Variants in CD244 observed in about 807,000 individuals in gnomAD.
CD244 encodes natural killer cell receptor 2B4.
A neutral mutation model predicts 45.5 loss-of-function variants in CD244; 20 were observed. The ratio of observed to expected loss-of-function variants is 0.44; its 90% CI spans 0.31 to 0.64. The LOEUF (loss-of-function observed/expected upper bound fraction) is 0.64, where lower values mean the gene tolerates loss of function less well. Ranked by LOEUF, CD244 falls within the 30% of genes least tolerant of loss-of-function variation. CD244 has a pLI of 0.08. For missense variants in CD244, 407 were observed against 426.9 expected (o/e 0.95, Z 0.41); for synonymous variants, 185 against 160.5 (o/e 1.15, Z -1.15).
At chr1:160,846,254 C>T (rs1669733983) in intron 1 of CD244, among the ~76,000 whole-genome samples, 1 of 152,088 alleles carries the variant, frequency 6.6e-6, no homozygotes, top group Non-Finnish European at 1.5e-5. Context: ...ATTCTTATGC[C>T]TTTGCATCCT....
Position 160,831,117 on chromosome 1 carries a change from C to CGT in CD244, c.*229_*230insAC. ...ATGTGGCCTTTTGTGAACAACCTAA[C>CGT]CCCTCCACCCATTCATGTCTGATCT... On this transcript the variant is annotated 3_prime_UTR_variant, in exon 9 of 9. Transcript: ENST00000368034. The CGT allele has an allele frequency of 2.2e-6, 1 of 450,690 alleles. No individual in the cohort carries two copies. The highest frequency in any genetic ancestry group is 4.0e-6 in the Non-Finnish European group (1 of 250,810). The allele number at this position is 450,690 out of a possible 1,614,324, so 27.9% of individuals were successfully genotyped here. A position where few individuals can be genotyped will look rare whatever the true frequency, so the allele number is the denominator to read the frequency against.
In CD244 at chr1:160,855,045, C is replaced by CG. The variant is rs1355437914; in HGVS notation, c.61+7571_61+7572insC. ...TGGTCAAGGACAGGGCAAGAACACT[C>CG]TTGCCCTCAGCAGAGGCAAATGTGG... On this transcript the variant is annotated intron_variant, in intron 1 of 8. Coordinates refer to ENST00000368034, the MANE Select transcript of CD244 (RefSeq NM_016382.4). Among the ~76,000 whole-genome samples the CG allele has an allele frequency of 1.3e-5, 2 of 152,202 alleles. 1 individual carries two copies. Among genetic ancestry groups the CG allele is most frequent in the Non-Finnish European group, 2.9e-5 (2 of 68,042 alleles).
Position 160,856,008 on chromosome 1 carries a change from G to A in CD244, c.61+6609C>T, listed in dbSNP as rs796180898. Among the ~76,000 whole-genome samples the A allele has an allele frequency of 2.3e-4, 35 of 152,318 alleles. 1 individual carries two copies. The highest frequency in any genetic ancestry group is 7.9e-4 in the African/African-American group (33 of 41,560). On this transcript the variant is annotated intron_variant, in intron 1 of 8. Coordinates refer to ENST00000368034, the MANE Select transcript of CD244 (RefSeq NM_016382.4). ...CCTGAGCACCTGGGAGAAGGAGCAC[G>A]GGAGGGTCTCAGAGCAAGTGGAATT...
intron 7 of CD244, among the ~76,000 whole-genome samples, chr1:160,833,499 A>G (rs1451302859): frequency 6.6e-6 from 1 of 152,208 alleles, no homozygotes; most frequent in Non-Finnish European, 1.5e-5. Context: ...TCTGTTTCCA[A>G]GTACACAAGA....
intron 1 of CD244, among the ~76,000 whole-genome samples, chr1:160,854,551 C>CT (rs61651879): frequency 0.21 from 29,977 of 141,584 alleles, 3,400 homozygotes; most frequent in Admixed American, 0.33. Context: ...CCCAGCTATT[C>CT]TTTTTTTTTT....
intron 1 of CD244, among the ~76,000 whole-genome samples, chr1:160,859,902 C>G (rs751930390): frequency 7.4e-4 from 112 of 152,054 alleles, no homozygotes; most frequent in Non-Finnish European, 1.4e-3. Context: ...AGAACCAGAT[C>G]CTCTCTTGAA....
intron 7 of CD244, among the ~76,000 whole-genome samples, chr1:160,833,100 C>T (rs74783383): frequency 6.6e-6 from 1 of 152,054 alleles, no homozygotes; most frequent in African/African-American, 2.4e-5. Context: ...ATTGCCAACC[C>T]AAGGACACTA....
intron 1 of CD244, among the ~76,000 whole-genome samples, chr1:160,859,799 A>G (rs968299101): frequency 1.3e-5 from 2 of 151,594 alleles, no homozygotes; most frequent in Non-Finnish European, 2.9e-5. Flanking sequence ...AGTTCCAGCT[A>G]CCAGGGAGGC....
Position 160,841,764 on chromosome 1 carries a change from A to G in CD244, c.199T>C (p.Leu67=), listed in dbSNP as rs1323700565. The change falls in exon 2 of 9, where the codon TTG becomes CTG. Residue 67 remains leucine, a synonymous_variant. Coordinates refer to ENST00000368034, the MANE Select transcript of CD244 (RefSeq NM_016382.4). ...GGCAAAGAGCCATTCTCCCACTTCA[A>G]TATGTGATGAAATCCATTTTGTGAG... ...LPSQNGFHHI[L]KWENGSLPSN... 3 of 1,614,206 alleles carry G rather than the reference A, an allele frequency of 1.9e-6. No homozygotes were observed. The highest frequency in any genetic ancestry group is 2.2e-5 in the South Asian group (2 of 91,078).
intron 1 of CD244, among the ~76,000 whole-genome samples, chr1:160,859,791 T>A (rs1168982599): frequency 6.6e-6 from 1 of 151,006 alleles, no homozygotes; most frequent in Non-Finnish European, 1.5e-5. Context: ...AGACCTCTAG[T>A]TCCAGCTACC....
chr1:160,858,540 C>T (rs1365236090), intron 1 of CD244, among the ~76,000 whole-genome samples: 2 of 152,156 alleles, frequency 1.3e-5, no homozygotes, highest in African/African-American at 4.8e-5. Context: ...AATTTTAGGG[C>T]CCAGGCCTAT....
chr1:160,861,778 AG>A, intron 1 of CD244, among the ~76,000 whole-genome samples: 1 of 152,340 alleles, frequency 6.6e-6, no homozygotes, highest in East Asian at 1.9e-4. Context: ...CAGAGTTTGT[AG>A]TGAGCCAAGA....
intron 5 of CD244, among the ~76,000 whole-genome samples, chr1:160,836,970 G>A (rs1183555034): frequency 6.6e-6 from 1 of 152,236 alleles, no homozygotes; most frequent in Non-Finnish European, 1.5e-5. Context: ...AGGCTGGGGA[G>A]TCATGGGCAT....
chr1:160,841,911 A>G lies in CD244; in HGVS notation c.62-10T>C. On this transcript the variant is annotated splice_polypyrimidine_tract_variant and intron_variant, in intron 1 of 8. Coordinates refer to ENST00000368034, the MANE Select transcript of CD244 (RefSeq NM_016382.4). ...GCTGATCCCTGGCATCCTAGGAAAG[A>G]GAACCCAAGCTGAAAGTAGCGGGAA... is the stretch of plus-strand genomic sequence containing the variant. 1 of 1,612,434 alleles carries G rather than the reference A, an allele frequency of 6.2e-7. No individual in the cohort carries two copies. The highest frequency in any genetic ancestry group is 8.5e-7 in the Non-Finnish European group (1 of 1,178,874).
intron 1 of CD244, among the ~76,000 whole-genome samples, chr1:160,851,474 G>A (rs1242842277): frequency 6.6e-6 from 1 of 151,978 alleles, no homozygotes; most frequent in Admixed American, 6.6e-5. Flanking sequence ...AATGGTGCTT[G>A]GTCAAATTGA....
At chr1:160,851,856 TTAA>T (rs540718975) in intron 1 of CD244, among the ~76,000 whole-genome samples, 238 of 152,176 alleles carry the variant, frequency 1.6e-3, no homozygotes, top group African/African-American at 5.7e-3. Context: ...AAATGTTTCT[TTAA>T]CAGGACACAC....
chr1:160,850,089 T>C (rs1342490831), intron 1 of CD244, among the ~76,000 whole-genome samples: 1 of 152,148 alleles, frequency 6.6e-6, no homozygotes, highest in Admixed American at 6.5e-5. Context: ...AAGAGGACTA[T>C]ATGAAAAATT....
At chr1:160,831,477 T>G in intron 8 of CD244, 50 bp from the exon 9 acceptor site, 1 of 1,292,652 alleles carries the variant, frequency 7.7e-7, no homozygotes, top group Non-Finnish European at 1.1e-6. Context: ...GAGGTCCTTA[T>G]CACAATCCTG....
intron 1 of CD244, among the ~76,000 whole-genome samples, chr1:160,849,114 C>A (rs1669832451): frequency 6.6e-6 from 1 of 152,138 alleles, no homozygotes; most frequent in Non-Finnish European, 1.5e-5. Flanking sequence ...GTGTCCACTG[C>A]AGAATACATT....
Sources: gnomAD v4.1 joint callset for allele counts (sites outside exome capture counted in the v4.1 genomes callset) on GRCh38, gnomAD v4.1.1 for gene constraint, MANE v1.5 for transcripts, NCBI Gene and HGNC (gene_info 2026-07-23, HGNC 2026-07-21) for gene names.